Variants in WDFY3 observed in about 807,000 individuals in gnomAD.
WDFY3 encodes WD repeat and FYVE domain containing 3.
A neutral mutation model predicts 409.6 loss-of-function variants in WDFY3; 66 were observed. The ratio of observed to expected loss-of-function variants is 0.16; its 90% CI spans 0.13 to 0.20. The LOEUF (loss-of-function observed/expected upper bound fraction) is 0.20. Ranked by LOEUF, WDFY3 falls within the 10% of genes least tolerant of loss-of-function variation. WDFY3 has a pLI of 1.00. For missense variants in WDFY3, 3,031 were observed against 4,298.1 expected, an observed-to-expected ratio of 0.71 and a Z score of 8.24; for synonymous variants, 1,521 against 1,537.1, an observed-to-expected ratio of 0.99 and a Z score of 0.25.
chr4:84,685,624 T>C (rs902132690), intron 62 of WDFY3, among the ~76,000 whole-genome samples: 3 of 152,204 alleles, frequency 2.0e-5, no homozygotes, highest in African/African-American at 7.2e-5. Context: ...CCTGTTGTTA[T>C]GAGGGCAGAG....
At chr4:84,886,339 G>C (rs897354425) in intron 3 of WDFY3, 2 of 151,308 alleles carry the variant, frequency 1.3e-5, no homozygotes, top group Non-Finnish European at 1.5e-5. Flanking sequence ...TCTTAAGTTA[G>C]TCTCAAGTGA....
intron 32 of WDFY3, among the ~76,000 whole-genome samples, chr4:84,758,510 A>T: frequency 6.6e-6 from 1 of 152,204 alleles, no homozygotes; most frequent in East Asian, 1.9e-4. Flanking sequence ...AGCCTCCCAA[A>T]GCACTAAGAT....
chr4:84,952,134 C>T (rs1773691344), intron 1 of WDFY3, among the ~76,000 whole-genome samples: 1 of 152,126 alleles, frequency 6.6e-6, no homozygotes, highest in African/African-American at 2.4e-5. Context: ...TAGTAGTGGC[C>T]TTAATGCATT....
intron 61 of WDFY3, among the ~76,000 whole-genome samples, chr4:84,689,975 C>A (rs1210730453): frequency 6.6e-6 from 1 of 152,112 alleles, no homozygotes; most frequent in Admixed American, 6.5e-5. Context: ...TATAAAAGGA[C>A]TCTTGCTTTA....
chr4:84,679,794 T>G (rs1211460531), intron 64 of WDFY3, among the ~76,000 whole-genome samples: 1 of 151,440 alleles, frequency 6.6e-6, no homozygotes, highest in African/African-American at 2.4e-5. Flanking sequence ...AAATTATCAT[T>G]CTAAATGATT....
Position 84,821,409 on chromosome 4 carries a change from C to T in WDFY3, c.1266G>A (p.Glu422=). 1 of 1,613,840 alleles carries T rather than the reference C, an allele frequency of 6.2e-7. No individual in the cohort carries two copies. The highest frequency in any genetic ancestry group is 8.5e-7 in the Non-Finnish European group (1 of 1,179,852). Residue 422 remains glutamate, a synonymous_variant, in exon 11 of 68, where the codon GAG becomes GAA. Transcript: ENST00000295888. The part of the protein sequence containing the change: ...MADNANYFIL[E]SQHTLSQFAE... The stretch of plus-strand genomic sequence containing the variant: ...CAAACTGTGACAATGTGTGCTGTGA[C>T]TCTAGGATGAAGTAATTGGCATTGT...
Position 84,841,259 on chromosome 4 carries a change from A to G in WDFY3, c.309T>C (p.Ala103=), listed in dbSNP as rs1418023486. Residue 103 remains alanine, a synonymous_variant, in exon 6 of 68, where the codon GCT becomes GCC. Transcript: ENST00000295888. ...RRRASNKSTE[A]ASRAIVQFLE... ...GGAACTGAACTATGGCCCGACTTGC[A>G]GCCTCTATAAAACCAAAGGGAAAGC... 1.9e-6 allele frequency: 3 copies of G among 1,611,640 alleles called. No individual in the cohort carries two copies. The highest frequency in any genetic ancestry group is 2.5e-6 in the Non-Finnish European group (3 of 1,179,606).
chr4:84,677,963 A>AC, intron 66 of WDFY3, among the ~76,000 whole-genome samples: 1 of 134,358 alleles, frequency 7.4e-6, no homozygotes, highest in Non-Finnish European at 1.7e-5. Flanking sequence ...CCCTGTCTCA[A>AC]AAAAAAAAAA....
rs760479868 is a variant in WDFY3 at position 84,678,952 on chromosome 4, T to A, written c.10114A>T (p.Ile3372Phe). The A allele has an allele frequency of 1.2e-6, 2 of 1,613,514 alleles. No homozygotes were observed. The highest frequency in any genetic ancestry group is 1.7e-6 in the Non-Finnish European group (2 of 1,179,824). ...AATCTGCTGTAATTCCGCACCTCAA[T>A]GGGATTGGGGTGGGGGTGGCTAAGG... ...GPLSHPHPNP[I>F]EVRNYSRLKP... is the part of the protein sequence containing the mutation. The change falls in exon 65 of 68, where the codon ATT becomes TTT. Residue 3372 changes from isoleucine (I) to phenylalanine (F), a missense_variant. Coordinates refer to ENST00000295888, the MANE Select transcript of WDFY3 (RefSeq NM_014991.6).
intron 2 of WDFY3, among the ~76,000 whole-genome samples, chr4:84,908,159 G>T (rs577960854): frequency 6.6e-6 from 1 of 152,260 alleles, no homozygotes; most frequent in Non-Finnish European, 1.5e-5. Flanking sequence ...ATTCTACAAA[G>T]AAGACTCTTG....
At position 84,766,042 on chromosome 4, in the gene WDFY3, T is replaced by C; in HGVS notation, c.4971-15A>G. Reference sequence around the variant, plus strand: ...CTTCACAAGCTCTATTCAAGACAGATGGATTTAAAAAACAAAAAACAAAAT... The same window carrying C: ...CTTCACAAGCTCTATTCAAGACAGACGGATTTAAAAAACAAAAAACAAAAT... On this transcript the variant is annotated splice_polypyrimidine_tract_variant and intron_variant, in intron 31 of 67. Coordinates refer to ENST00000295888, the MANE Select transcript of WDFY3 (RefSeq NM_014991.6). The C allele has an allele frequency of 6.3e-7, 1 of 1,592,316 alleles. No individual in the cohort carries two copies. Among genetic ancestry groups the C allele is most frequent in the Non-Finnish European group, 8.5e-7 (1 of 1,171,880 alleles).
intron 44 of WDFY3, among the ~76,000 whole-genome samples, chr4:84,727,817 C>A (rs1384726647): frequency 6.6e-6 from 1 of 152,148 alleles, no homozygotes; most frequent in African/African-American, 2.4e-5. Context: ...GGCATACTTA[C>A]AAATACTTCA....
intron 3 of WDFY3, among the ~76,000 whole-genome samples, chr4:84,889,324 CATG>C (rs1326618688): frequency 2.0e-5 from 3 of 152,080 alleles, no homozygotes; most frequent in Admixed American, 6.6e-5. Flanking sequence ...ATATTTTGTG[CATG>C]ATATTACACA....
At chr4:84,720,720 T>C (rs931732067) in intron 47 of WDFY3, among the ~76,000 whole-genome samples, 1 of 152,202 alleles carries the variant, frequency 6.6e-6, no homozygotes, top group Non-Finnish European at 1.5e-5. Flanking sequence ...GTACAGCTTG[T>C]AGAAGCGTTG....
Position 84,684,060 on chromosome 4 carries a change from C to G in WDFY3, c.9609G>C (p.Val3203=). The change falls in exon 63 of 68, where the codon GTG becomes GTC. Residue 3203 remains valine (V), a synonymous_variant. Coordinates refer to ENST00000295888, the MANE Select transcript of WDFY3 (RefSeq NM_014991.6). ...HVWSINGNPI[V]SVNTFTGRSQ... is the part of the protein sequence containing the mutation. ...TCCTACCTGTGAACGTGTTGACACT[C>G]ACGATAGGGTTCCCATTGATGCTCC... The G allele has an allele frequency of 6.2e-7, 1 of 1,613,298 alleles. No homozygotes were observed. Among genetic ancestry groups the G allele is most frequent in the Admixed American group, 1.7e-5 (1 of 59,998 alleles).
chr4:84,780,148 G>A lies in WDFY3; in HGVS notation c.4325C>T (p.Pro1442Leu). ...TCTTTCCATTTCTTTGCTGGCTAGT[G>A]GGTTACTCTTGACCACACAAACCAG... ...KALVCVVKSN[P>L]LASKEMERIK... The change falls in exon 26 of 68, where the codon CCA (proline) becomes CTA (leucine). Residue 1442 changes from proline (P) to leucine (L), a missense_variant. Physicochemically the swap from Pro to Leu is moderately conservative, Grantham distance 98. Around this residue, in one of 16 missense-constraint regions of WDFY3, gnomAD observed 55 missense variants for 124.1 expected, o/e 0.44. Transcript: ENST00000295888. The A allele has an allele frequency of 6.2e-7, 1 of 1,611,262 alleles. No homozygotes were observed. Among genetic ancestry groups the A allele is most frequent in the Non-Finnish European group, 8.5e-7 (1 of 1,178,696 alleles).
At chr4:84,891,332 A>G (rs1764916802) in intron 3 of WDFY3, among the ~76,000 whole-genome samples, 1 of 152,218 alleles carries the variant, frequency 6.6e-6, no homozygotes, top group Admixed American at 6.5e-5. Context: ...TGACTGATTC[A>G]TAGTGCTACA....
At chr4:84,962,869 T>C (rs1775088604) in intron 1 of WDFY3, among the ~76,000 whole-genome samples, 1 of 151,802 alleles carries the variant, frequency 6.6e-6, no homozygotes, top group African/African-American at 2.4e-5. Flanking sequence ...ACACGGGGAT[T>C]CACCATATTG....
chr4:84,946,813 GT>G (rs1212399516), intron 1 of WDFY3, among the ~76,000 whole-genome samples: 21 of 144,210 alleles, frequency 1.5e-4, no homozygotes, highest in Admixed American at 2.8e-4. Flanking sequence ...TTCATTTTTT[GT>G]TTTTTTTTTT....
Sources: gnomAD v4.1 joint callset for allele counts (sites outside exome capture counted in the v4.1 genomes callset) on GRCh38, gnomAD v4.1.1 for gene constraint, gnomAD v4.1.1 regional missense constraint, MANE v1.5 for transcripts, NCBI Gene and HGNC (gene_info 2026-07-23, HGNC 2026-07-21) for gene names.